CTDSPL: variants seen among roughly 807,000 people sequenced by gnomAD.
The protein encoded by CTDSPL is CTD small phosphatase like, also known as CTD small phosphatase-like protein.
CTDSPL carries 8 observed loss-of-function variants against 30.5 expected under a neutral mutation model. The observed-to-expected ratio is 0.26, with a 90% CI of 0.15 to 0.47. CTDSPL has a LOEUF of 0.47. Ranked by LOEUF, CTDSPL falls within the 20% of genes least tolerant of loss-of-function variation. CTDSPL has a pLI of 0.99. For missense variants in CTDSPL, 248 were observed against 366.1 expected (o/e 0.68, Z 2.63); for synonymous variants, 110 against 137.9 (o/e 0.80, Z 1.42).
At chr3:37,968,007 T>G (rs1699318938) in intron 5 of CTDSPL, 125 bp downstream of exon 5, 3 of 644,796 alleles carry the variant, frequency 4.7e-6, no homozygotes, top group Admixed American at 3.3e-5. Flanking sequence ...GGAAGCATAC[T>G]GTAATAAATA....
chr3:37,956,752 A>G (rs1480092516), intron 2 of CTDSPL, among the ~76,000 whole-genome samples: 3 of 152,344 alleles, frequency 2.0e-5, no homozygotes, highest in East Asian at 1.9e-4. Context: ...CTTGCTTAAA[A>G]GAAAAAACAA....
At chr3:37,941,655 G>T (rs1413573629) in intron 1 of CTDSPL, among the ~76,000 whole-genome samples, 1 of 150,228 alleles carries the variant, frequency 6.7e-6, no homozygotes, top group East Asian at 1.9e-4. Context: ...CTCCCCAAGT[G>T]CTGGGATACA....
intron 1 of CTDSPL, among the ~76,000 whole-genome samples, chr3:37,902,180 C>T (rs1438352183): frequency 6.6e-6 from 1 of 152,220 alleles, no homozygotes; most frequent in Non-Finnish European, 1.5e-5. Context: ...CATTGCCATC[C>T]CTAAGGAATC....
At chr3:37,875,107 G>T (rs1297498518) in intron 1 of CTDSPL, among the ~76,000 whole-genome samples, 1 of 152,016 alleles carries the variant, frequency 6.6e-6, no homozygotes, top group African/African-American at 2.4e-5. Flanking sequence ...TGTCTTTATG[G>T]CTCTGAAATA....
intron 1 of CTDSPL, among the ~76,000 whole-genome samples, chr3:37,917,287 G>C (rs1309997475): frequency 6.6e-6 from 1 of 152,170 alleles, no homozygotes; most frequent in Non-Finnish European, 1.5e-5. Context: ...GAGGATACAT[G>C]TTCACACGTA....
chr3:37,948,862 G>A lies in CTDSPL; in HGVS notation c.234+1651G>A, dbSNP rs560449737. 2.2e-4 allele frequency among the ~76,000 whole-genome samples: 29 copies of A among 133,982 alleles called. No homozygotes were observed. The South Asian group carries it at 5.8e-3, about 27-fold the overall frequency. The allele number at this position is 133,982 out of a possible 152,430, so 87.9% of individuals were successfully genotyped here. ...GGAGTCTCGCTCTGTCGCCCAGGCCGGACTGCGGACTGCAGTGGCGCAATC... is the reference window on the plus strand; with the variant it reads ...GGAGTCTCGCTCTGTCGCCCAGGCCAGACTGCGGACTGCAGTGGCGCAATC... On this transcript the variant is annotated intron_variant, in intron 2 of 7. Coordinates refer to ENST00000273179, the MANE Select transcript of CTDSPL (RefSeq NM_001008392.2).
At chr3:37,873,746 T>C (rs1698103170) in intron 1 of CTDSPL, among the ~76,000 whole-genome samples, 2 of 152,222 alleles carry the variant, frequency 1.3e-5, no homozygotes, top group Admixed American at 6.5e-5. Context: ...GATGTAAAAG[T>C]CAAATTCAGT....
chr3:37,936,603 C>T (rs991586525), intron 1 of CTDSPL, among the ~76,000 whole-genome samples: 10 of 144,926 alleles, frequency 6.9e-5, no homozygotes, highest in South Asian at 2.2e-4. Context: ...GAAGAAATGG[C>T]GCATTCATTT....
chr3:37,941,152 C>G (rs554350280), intron 1 of CTDSPL, among the ~76,000 whole-genome samples: 1 of 150,344 alleles, frequency 6.7e-6, no homozygotes, highest in South Asian at 2.1e-4. Flanking sequence ...AAGGGCATAT[C>G]CAGGAAAACA....
intron 1 of CTDSPL, among the ~76,000 whole-genome samples, chr3:37,930,303 C>T (rs1282175334): frequency 6.6e-6 from 1 of 151,874 alleles, no homozygotes; most frequent in African/African-American, 2.4e-5. Flanking sequence ...CTCTGTCACC[C>T]AGGCTGGAGT....
At chr3:37,932,381 A>C (rs1239437004) in intron 1 of CTDSPL, among the ~76,000 whole-genome samples, 1 of 152,258 alleles carries the variant, frequency 6.6e-6, no homozygotes, top group Non-Finnish European at 1.5e-5. Flanking sequence ...ACAACTATAA[A>C]CAAAAGTAAA....
intron 1 of CTDSPL, among the ~76,000 whole-genome samples, chr3:37,932,974 G>A (rs765962781): frequency 4.6e-5 from 7 of 152,030 alleles, no homozygotes; most frequent in Non-Finnish European, 7.4e-5. Context: ...CCAACATGGT[G>A]AAACCCTGTC....
chr3:37,902,096 C>A, intron 1 of CTDSPL, among the ~76,000 whole-genome samples: 1 of 152,182 alleles, frequency 6.6e-6, no homozygotes, highest in East Asian at 1.9e-4. Flanking sequence ...TTGAAACTCT[C>A]AGCTTATATG....
chr3:37,905,599 C>T lies in CTDSPL; in HGVS notation c.80-41458C>T, dbSNP rs534657689. Among the ~76,000 whole-genome samples the T allele has an allele frequency of 2.3e-3, 353 of 152,330 alleles. 3 individuals are homozygous for T. The highest frequency in any genetic ancestry group is 8.2e-3 in the African/African-American group (341 of 41,570). ...TGAGCTAGGCTTCCTTCCCCCCCTC[C>T]CTCCTTGTGCCACAGCTGGGCACTG... On this transcript the variant is annotated intron_variant, in intron 1 of 7. Transcript: ENST00000273179.
At chr3:37,939,376 T>G (rs1372472104) in intron 1 of CTDSPL, among the ~76,000 whole-genome samples, 1 of 150,402 alleles carries the variant, frequency 6.6e-6, no homozygotes, top group African/African-American at 2.4e-5. Flanking sequence ...TGAACCTAAA[T>G]GTAATTCCAA....
intron 1 of CTDSPL, among the ~76,000 whole-genome samples, chr3:37,872,039 C>A (rs563157175): frequency 7.9e-5 from 12 of 152,214 alleles, no homozygotes; most frequent in South Asian, 2.1e-4. Context: ...CAGGCTAGAG[C>A]GGAGTGCAGT....
At chr3:37,927,175 A>T (rs1698790234) in intron 1 of CTDSPL, among the ~76,000 whole-genome samples, 1 of 152,208 alleles carries the variant, frequency 6.6e-6, no homozygotes, top group South Asian at 2.1e-4. Flanking sequence ...TAGAAAAAAT[A>T]AAAATTAAAA....
intron 1 of CTDSPL, among the ~76,000 whole-genome samples, chr3:37,904,306 A>C (rs1020800820): frequency 2.0e-5 from 3 of 152,174 alleles, no homozygotes; most frequent in African/African-American, 7.2e-5. Context: ...AAGGGTCTGC[A>C]CTTGGCCCCT....
At chr3:37,913,648 C>T (rs1002380027) in intron 1 of CTDSPL, among the ~76,000 whole-genome samples, 4 of 152,214 alleles carry the variant, frequency 2.6e-5, no homozygotes, top group South Asian at 4.2e-4. Context: ...ATTTGGGTGA[C>T]GTAGTCTATC....
Sources: allele counts gnomAD v4.1 joint callset (sites outside exome capture counted in the v4.1 genomes callset), GRCh38; gene constraint gnomAD v4.1.1; transcripts MANE v1.5; gene names NCBI Gene and HGNC (gene_info 2026-07-23, HGNC 2026-07-21).